IPCEF1: variants seen among roughly 807,000 people sequenced by gnomAD.
IPCEF1 encodes the protein interaction protein for cytohesin exchange factors 1.
IPCEF1 carries 31 observed loss-of-function variants against 50.9 expected under a neutral mutation model. The observed-to-expected ratio is 0.61, with a 90% CI of 0.46 to 0.82. The LOEUF is 0.82. IPCEF1 is among the 40% of genes least tolerant of loss of function. IPCEF1 has a pLI of 0.00. For missense variants in IPCEF1, 458 were observed against 514.0 expected (o/e 0.89, Z 1.05); for synonymous variants, 181 against 192.0 (o/e 0.94, Z 0.47).
chr6:154,276,902 T>C (rs997874785), intron 2 of IPCEF1, among the ~76,000 whole-genome samples: 1 of 152,182 alleles, frequency 6.6e-6, no homozygotes, highest in Non-Finnish European at 1.5e-5. Flanking sequence ...GTAAGCTATT[T>C]ACCAAATTTA....
chr6:154,353,356 G>A (rs1784150324), intron 1 of IPCEF1, among the ~76,000 whole-genome samples: 1 of 144,792 alleles, frequency 6.9e-6, no homozygotes, highest in Non-Finnish European at 1.5e-5. Context: ...GTGCAGCTGC[G>A]TGATCTCGGC....
rs114598577 is a variant in IPCEF1 at position 154,262,307 on chromosome 6, G to A, written c.36+3605C>T. Among the ~76,000 whole-genome samples, 868 of 152,348 alleles carry A rather than the reference G, an allele frequency of 5.7e-3. 6 individuals are homozygous for A. The highest frequency in any genetic ancestry group is 0.02 in the African/African-American group (813 of 41,574). On this transcript the variant is annotated intron_variant, in intron 3 of 11. Transcript: ENST00000367220. ...CAAGGGAAACAGGTTACCTATTATAGTGGTAATGGCTTTAGGTCGGGAATT... is the reference window on the plus strand; with the variant it reads ...CAAGGGAAACAGGTTACCTATTATAATGGTAATGGCTTTAGGTCGGGAATT...
chr6:154,227,590 C>T (rs1035790982), intron 5 of IPCEF1, among the ~76,000 whole-genome samples: 9 of 152,160 alleles, frequency 5.9e-5, no homozygotes, highest in East Asian at 3.9e-4. Flanking sequence ...TGGCAGCACA[C>T]GCCTATATTC....
chr6:154,309,858 G>T (rs532649455), intron 1 of IPCEF1, among the ~76,000 whole-genome samples: 1 of 151,242 alleles, frequency 6.6e-6, no homozygotes, highest in Non-Finnish European at 1.5e-5. Flanking sequence ...CCGCCTCCCC[G>T]GTTCAAGCAA....
intron 2 of IPCEF1, among the ~76,000 whole-genome samples, chr6:154,288,055 G>T (rs763546720): frequency 4.6e-5 from 7 of 152,146 alleles, no homozygotes; most frequent in Non-Finnish European, 8.8e-5. Context: ...TACAGCTAAG[G>T]TATGCACCAA....
At chr6:154,215,792 T>C (rs1433162413) in intron 7 of IPCEF1, among the ~76,000 whole-genome samples, 7 of 151,996 alleles carry the variant, frequency 4.6e-5, no homozygotes, top group Middle Eastern at 3.4e-3. Flanking sequence ...AAAATGTATA[T>C]CAAGTCTCAA....
chr6:154,260,458 C>T (rs375741818), intron 3 of IPCEF1, among the ~76,000 whole-genome samples: 2 of 145,278 alleles, frequency 1.4e-5, no homozygotes, highest in Non-Finnish European at 3.0e-5. Context: ...TTACTAAAAT[C>T]TATCTAAGAC....
chr6:154,316,956 AT>A (rs1783235478), intron 1 of IPCEF1, among the ~76,000 whole-genome samples: 1 of 152,214 alleles, frequency 6.6e-6, no homozygotes, highest in African/African-American at 2.4e-5. Context: ...ATGAAAAAAA[AT>A]TAACTTCAAT....
At chr6:154,186,668 T>G (rs1035265458) in intron 10 of IPCEF1, among the ~76,000 whole-genome samples, 3 of 152,118 alleles carry the variant, frequency 2.0e-5, no homozygotes, top group Non-Finnish European at 4.4e-5. Flanking sequence ...GCCATTCTCC[T>G]GCCTCAGCCT....
At chr6:154,295,534 G>C (rs981920001) in intron 1 of IPCEF1, among the ~76,000 whole-genome samples, 1 of 151,866 alleles carries the variant, frequency 6.6e-6, no homozygotes, top group Admixed American at 6.6e-5. Flanking sequence ...CACACACTTT[G>C]CTGTGAGCAT....
At chr6:154,349,592 T>A (rs893313874) in intron 1 of IPCEF1, among the ~76,000 whole-genome samples, 16 of 152,196 alleles carry the variant, frequency 1.1e-4, no homozygotes, top group African/African-American at 3.9e-4. Flanking sequence ...TTTTCCTGTT[T>A]TAGACTAAGG....
At chr6:154,240,356 T>C (rs578152658) in intron 5 of IPCEF1, among the ~76,000 whole-genome samples, 20 of 152,352 alleles carry the variant, frequency 1.3e-4, no homozygotes, top group African/African-American at 4.8e-4. Flanking sequence ...TAATAAGCTA[T>C]GACTAATGTA....
chr6:154,210,839 AT>A (rs1422957177), intron 9 of IPCEF1, among the ~76,000 whole-genome samples: 1 of 152,214 alleles, frequency 6.6e-6, no homozygotes, highest in Admixed American at 6.5e-5. Flanking sequence ...TTTAATAAAC[AT>A]TTATTCAACA....
chr6:154,294,855 GA>G (rs1450532255), intron 1 of IPCEF1, among the ~76,000 whole-genome samples: 1 of 152,094 alleles, frequency 6.6e-6, no homozygotes, highest in Non-Finnish European at 1.5e-5. Flanking sequence ...CTGGACAACA[GA>G]GTGAAACCCC....
At chr6:154,321,011 G>C (rs1213763435) in intron 1 of IPCEF1, among the ~76,000 whole-genome samples, 9 of 151,938 alleles carry the variant, frequency 5.9e-5, no homozygotes, top group Non-Finnish European at 1.2e-4. Flanking sequence ...TGGCTCACTA[G>C]CCTTGACCTC....
intron 9 of IPCEF1, among the ~76,000 whole-genome samples, chr6:154,208,085 G>C (rs1777647743): frequency 6.6e-6 from 1 of 151,608 alleles, no homozygotes; most frequent in Non-Finnish European, 1.5e-5. Flanking sequence ...AGCAGATTGG[G>C]GGCTCCATTT....
intron 1 of IPCEF1, among the ~76,000 whole-genome samples, chr6:154,309,483 G>A (rs77728906): frequency 0.024 from 3,691 of 152,130 alleles, 81 homozygotes; most frequent in Non-Finnish European, 0.033. Context: ...CCATCTCACC[G>A]TTCTTCACAG....
chr6:154,186,392 T>C (rs72999473), intron 10 of IPCEF1, among the ~76,000 whole-genome samples: 14,216 of 152,240 alleles, frequency 0.093, 1,024 homozygotes, highest in African/African-American at 0.2. Flanking sequence ...CATTTTAAAA[T>C]ATACACAGCA....
At chr6:154,195,511 G>A (rs1415867345) in intron 10 of IPCEF1, among the ~76,000 whole-genome samples, 6 of 152,046 alleles carry the variant, frequency 3.9e-5, no homozygotes, top group African/African-American at 1.4e-4. Flanking sequence ...TCATCCATTA[G>A]CTGTTTAAAT....
Sources: gnomAD v4.1 joint callset for allele counts (sites outside exome capture counted in the v4.1 genomes callset) on GRCh38, gnomAD v4.1.1 for gene constraint, MANE v1.5 for transcripts, NCBI Gene and HGNC (gene_info 2026-07-23, HGNC 2026-07-21) for gene names.